Variants in TMEM184B observed in about 807,000 individuals in gnomAD.
The protein encoded by TMEM184B is putative MAPK-activating protein FM08.
Under a neutral mutation model 41.8 loss-of-function variants are expected in TMEM184B, and 17 were observed. The ratio of observed to expected loss-of-function variants is 0.41; its 90% CI spans 0.28 to 0.61. The LOEUF (loss-of-function observed/expected upper bound fraction) is 0.61. Ranked by LOEUF, TMEM184B falls within the 20% of genes least tolerant of loss-of-function variation. The pLI, the probability that TMEM184B is intolerant of heterozygous loss-of-function variation, is 0.34. For synonymous variants in TMEM184B, 240 were observed against 229.5 expected, an observed-to-expected ratio of 1.05 and a Z score of -0.41; for missense variants, 393 against 557.8, an observed-to-expected ratio of 0.70 and a Z score of 2.98.
chr22:38,222,432 G>A (rs1471155689), intron 8 of TMEM184B: 1 of 186,874 alleles, frequency 5.4e-6, no homozygotes, highest in Non-Finnish European at 1.0e-5. Context: ...CCAGAAGAAG[G>A]CGGGGCATAT....
rs372925482 is a variant in TMEM184B at position 38,225,509 on chromosome 22, G to A, written c.702C>T (p.Phe234=). 8 of 1,601,612 alleles carry A rather than the reference G, an allele frequency of 5.0e-6. No individual in the cohort carries two copies. Among genetic ancestry groups the A allele is most frequent in the South Asian group, 1.1e-5 (1 of 89,804 alleles). Residue 234 remains phenylalanine (F), a synonymous_variant, in exon 7 of 9, where the codon TTC becomes TTT. Transcript: ENST00000361906. The surrounding 1 kb of genome is among the most constrained non-coding windows in gnomAD (Gnocchi z 4.4). ...LALYALFLFY[F]ATRELLSPYS... ...AGGGGCTGAGCAGCTCCCGGGTGGCGAAGTAGAAGAGGAAGAGGGCGTAGA... is the reference window on the plus strand; with the variant it reads ...AGGGGCTGAGCAGCTCCCGGGTGGCAAAGTAGAAGAGGAAGAGGGCGTAGA...
At chr22:38,253,934 T>A (rs1602466066) in intron 1 of TMEM184B, among the ~76,000 whole-genome samples, 2 of 151,952 alleles carry the variant, frequency 1.3e-5, no homozygotes, top group Non-Finnish European at 2.9e-5. Context: ...GGCGCGGTGG[T>A]TCACACCTGT....
At chr22:38,231,522 G>A (rs1386234133) in intron 3 of TMEM184B, 188 bp from the exon 4 acceptor site, 3 of 707,052 alleles carry the variant, frequency 4.2e-6, no homozygotes, top group Admixed American at 4.0e-5. Flanking sequence ...CCACTCCTAA[G>A]TTCAAAACCC....
Position 38,241,999 on chromosome 22 carries a change from C to T in TMEM184B, c.358+3936G>A, listed in dbSNP as rs572305827. 8.6e-5 allele frequency among the ~76,000 whole-genome samples: 3 copies of T among 34,964 alleles called. No homozygotes were observed. In the East Asian group the frequency reaches 2.5e-3, roughly 29 times the overall value. The allele number at this position is 34,964 out of a possible 152,430, so 22.9% of individuals were successfully genotyped here. Reference sequence around the variant, plus strand: ...ACTGAAAAACAAACAACAACAAAAACCAGTACAAGCATATTTTAGGTCATT... The same window carrying T: ...ACTGAAAAACAAACAACAACAAAAATCAGTACAAGCATATTTTAGGTCATT... On this transcript the variant is annotated intron_variant, in intron 3 of 8. Coordinates refer to ENST00000361906, the MANE Select transcript of TMEM184B (RefSeq NM_012264.5).
chr22:38,237,268 G>A (rs2091797241), intron 3 of TMEM184B, among the ~76,000 whole-genome samples: 1 of 152,166 alleles, frequency 6.6e-6, no homozygotes, highest in Non-Finnish European at 1.5e-5. Flanking sequence ...CTTACCCCAA[G>A]AGCCCCCGGG....
chr22:38,246,233 T>G, intron 2 of TMEM184B, 133 bp from the exon 3 acceptor site: 1 of 1,118,826 alleles, frequency 8.9e-7, no homozygotes, highest in Non-Finnish European at 1.2e-6. Context: ...CTCAGAGCCC[T>G]GCTCTGCAAA....
chr22:38,219,991 G>A lies in TMEM184B; in HGVS notation c.*1478C>T. ...GAGGGAACCTGTTCATTCCAGGAAG[G>A]ACCAAAAGAAAGAATCCCCAGTGAA... On this transcript the variant is annotated 3_prime_UTR_variant, in exon 9 of 9. Transcript: ENST00000361906. 1 of 985,484 alleles carries A rather than the reference G, an allele frequency of 1.0e-6. No homozygotes were observed. 61.0% of individuals were successfully genotyped at this position (985,484 alleles called of 1,614,324 possible).
chr22:38,225,460 T>C lies in TMEM184B; in HGVS notation c.751A>G (p.Met251Val). The change falls in exon 7 of 9, where the codon ATG (methionine) becomes GTG (valine). Residue 251 changes from methionine (M) to valine (V), a missense_variant. Met to Val is a conservative substitution (Grantham distance 21). Transcript: ENST00000361906. The surrounding 1 kb of genome is among the most constrained non-coding windows in gnomAD (Gnocchi z 4.4). Reference sequence around the variant, plus strand: ...GAAAGAAAGATGACGGACTTGACCATGAAGAACTTGAGGACGGGGCTGTAG... The same window carrying C: ...GAAAGAAAGATGACGGACTTGACCACGAAGAACTTGAGGACGGGGCTGTAG... ...SPYSPVLKFFMVKSVIFLSFW... is the reference protein window; with the variant it reads ...SPYSPVLKFFVVKSVIFLSFW... 1 of 1,576,408 alleles carries C rather than the reference T, an allele frequency of 6.3e-7. No homozygotes were observed. The highest frequency in any genetic ancestry group is 8.6e-7 in the Non-Finnish European group (1 of 1,166,216).
intron 8 of TMEM184B, chr22:38,223,624 G>T (rs192255865): frequency 6.6e-6 from 1 of 152,306 alleles, no homozygotes; most frequent in Non-Finnish European, 1.5e-5. Flanking sequence ...GTAGGCCCTG[G>T]GGAAGTGGGT....
chr22:38,234,693 C>T (rs562595916), intron 3 of TMEM184B, among the ~76,000 whole-genome samples: 2 of 152,264 alleles, frequency 1.3e-5, no homozygotes, highest in African/African-American at 4.8e-5. Context: ...ACTGAGATGC[C>T]GCCTCTTCTG....
chr22:38,270,998 G>A lies in TMEM184B; in HGVS notation c.-59+1886C>T, dbSNP rs80121018. Among the ~76,000 whole-genome samples the A allele has an allele frequency of 2.8e-3, 428 of 152,264 alleles. 1 individual carries two copies. The highest frequency in any genetic ancestry group is 9.8e-3 in the African/African-American group (406 of 41,540). On this transcript the variant is annotated intron_variant, in intron 1 of 8. Coordinates refer to ENST00000361906, the MANE Select transcript of TMEM184B (RefSeq NM_012264.5). ...AGTGGCTCATTCACCCTTCTGCCTCGAAGCTCTTCTTTCTACTTGGTTGGA... is the reference window on the plus strand; with the variant it reads ...AGTGGCTCATTCACCCTTCTGCCTCAAAGCTCTTCTTTCTACTTGGTTGGA...
intron 1 of TMEM184B, among the ~76,000 whole-genome samples, chr22:38,256,898 C>T (rs1467102394): frequency 6.6e-6 from 1 of 151,966 alleles, no homozygotes; most frequent in Admixed American, 6.6e-5. Context: ...GTCCTGTATG[C>T]CCTTCACCCA....
At chr22:38,269,606 AG>A (rs1421514900) in intron 1 of TMEM184B, among the ~76,000 whole-genome samples, 1 of 152,158 alleles carries the variant, frequency 6.6e-6, no homozygotes, top group African/African-American at 2.4e-5. Context: ...CCAAGGTGGA[AG>A]GATCTCCTGG....
At chr22:38,250,840 G>A (rs1326210231) in intron 1 of TMEM184B, among the ~76,000 whole-genome samples, 1 of 152,150 alleles carries the variant, frequency 6.6e-6, no homozygotes, top group Admixed American at 6.5e-5. Flanking sequence ...GCTTCCTCCT[G>A]CGGCTCTGCC....
At position 38,239,765 on chromosome 22, in the gene TMEM184B, C is replaced by G. The variant is rs914826480; in HGVS notation, c.358+6170G>C. 6.6e-6 allele frequency among the ~76,000 whole-genome samples: 1 copy of G among 152,142 alleles called. No individual in the cohort carries two copies. The highest frequency in any genetic ancestry group is 6.5e-5 in the Admixed American group (1 of 15,280). On this transcript the variant is annotated intron_variant, in intron 3 of 8. Transcript: ENST00000361906. The surrounding 1 kb of genome is among the most constrained non-coding windows in gnomAD (Gnocchi z 4.6). Reference sequence around the variant, plus strand: ...GCGAGAGGTCCTCTCAGATCTCTGCCACGCTGTACCAGTCACTCAGCCTGT... The same window carrying G: ...GCGAGAGGTCCTCTCAGATCTCTGCGACGCTGTACCAGTCACTCAGCCTGT...
rs1222090868 is a variant in TMEM184B at position 38,226,560 on chromosome 22, C to G, written c.617+219G>C. The G allele has an allele frequency of 9.8e-6, 5 of 510,400 alleles. No homozygotes were observed. Among genetic ancestry groups the G allele is most frequent in the Non-Finnish European group, 1.4e-5 (4 of 276,980 alleles). The allele number at this position is 510,400 out of a possible 1,614,324, so 31.6% of individuals were successfully genotyped here. On this transcript the variant is annotated intron_variant, in intron 6 of 8. Coordinates refer to ENST00000361906, the MANE Select transcript of TMEM184B (RefSeq NM_012264.5). The surrounding 1 kb of genome is among the most constrained non-coding windows in gnomAD (Gnocchi z 4.6). The stretch of plus-strand genomic sequence containing the variant: ...TCATGGTACCACTCTGCAGCCTGGA[C>G]ATGAACGTGACTGCTGCCAATGGCT...
intron 3 of TMEM184B, chr22:38,232,237 TG>T (rs2091649940): frequency 6.6e-6 from 1 of 152,134 alleles, no homozygotes; most frequent in Non-Finnish European, 1.5e-5. Flanking sequence ...TTGGGAAGCT[TG>T]GGCTGCTCAT....
intron 3 of TMEM184B, 198 bp from the exon 4 acceptor site, chr22:38,231,532 C>T (rs755124261): frequency 2.3e-5 from 16 of 698,896 alleles, no homozygotes; most frequent in East Asian, 5.4e-5. Context: ...GTTCAAAACC[C>T]GGCACACCTA....
chr22:38,271,398 C>T (rs2145802725), intron 1 of TMEM184B, among the ~76,000 whole-genome samples: 1 of 152,326 alleles, frequency 6.6e-6, no homozygotes. Context: ...CATGAATTCC[C>T]TCTGGGCCTC....
Sources: allele counts gnomAD v4.1 joint callset (sites outside exome capture counted in the v4.1 genomes callset), GRCh38; gene constraint gnomAD v4.1.1; non-coding constraint Gnocchi (gnomAD v3.1); transcripts MANE v1.5; gene names NCBI Gene and HGNC (gene_info 2026-07-23, HGNC 2026-07-21).